LARP1: variants seen among roughly 807,000 people sequenced by gnomAD.
The protein encoded by LARP1 is La ribonucleoprotein 1, translational regulator, also known as la-related protein 1.
LARP1 carries 36 observed loss-of-function variants against 122.7 expected under a neutral mutation model. That is an observed-to-expected ratio of 0.29 (90% CI 0.22 to 0.39). The LOEUF is 0.39. Among genes scored for constraint, LARP1 ranks in the 10% least tolerant of loss-of-function variants. LARP1 has a pLI of 1.00. For synonymous variants in LARP1, 539 were observed against 528.7 expected (o/e 1.02, Z -0.27); for missense variants, 1,040 against 1,403.6 (o/e 0.74, Z 4.14).
At chr5:154,789,703 T>G (rs1757190032) in intron 1 of LARP1, among the ~76,000 whole-genome samples, 1 of 152,240 alleles carries the variant, frequency 6.6e-6, no homozygotes, top group Non-Finnish European at 1.5e-5. Context: ...ACATAACTCT[T>G]GTCTAATTTG....
chr5:154,759,553 A>T (rs1055109016), intron 1 of LARP1, among the ~76,000 whole-genome samples: 1 of 152,028 alleles, frequency 6.6e-6, no homozygotes, highest in Non-Finnish European at 1.5e-5. Flanking sequence ...TTTTGTAAAG[A>T]TTTTCTTTGG....
rs567434612 is a variant in LARP1 at position 154,803,770 on chromosome 5, C to T, written c.2439+25C>T. Reference sequence around the variant, plus strand: ...GGTGAGGCATTCCTGTCGGGCTGCTCAGAGTCTTGGGTCTACTTCATTGCA... The same window carrying T: ...GGTGAGGCATTCCTGTCGGGCTGCTTAGAGTCTTGGGTCTACTTCATTGCA... On this transcript the variant is annotated intron_variant, in intron 13 of 18. Coordinates refer to ENST00000518297, the MANE Select transcript of LARP1 (RefSeq NM_033551.3). The surrounding 1 kb of genome is among the most constrained non-coding windows in gnomAD (Gnocchi z 4.4). The T allele has an allele frequency of 6.2e-6, 10 of 1,607,594 alleles. No individual in the cohort carries two copies. Among genetic ancestry groups the T allele is most frequent in the Non-Finnish European group, 7.7e-6 (9 of 1,174,146 alleles).
chr5:154,687,673 G>A (rs4958383), intron 1 of LARP1, among the ~76,000 whole-genome samples: 69,662 of 152,054 alleles, frequency 0.46, 16,880 homozygotes, highest in Non-Finnish European at 0.55. Flanking sequence ...GAGCCACTGC[G>A]CCCGGCCTGT....
intron 1 of LARP1, among the ~76,000 whole-genome samples, chr5:154,725,382 C>CT: frequency 8.2e-6 from 1 of 121,738 alleles, no homozygotes; most frequent in African/African-American, 3.1e-5. Context: ...GAGTGGGACT[C>CT]TGTCTCAAAA....
At chr5:154,760,278 A>G (rs1421645006) in intron 1 of LARP1, among the ~76,000 whole-genome samples, 4 of 152,138 alleles carry the variant, frequency 2.6e-5, no homozygotes, top group Non-Finnish European at 4.4e-5. Context: ...ATGACCAGCA[A>G]TGTGGACACC....
intron 1 of LARP1, among the ~76,000 whole-genome samples, chr5:154,742,952 G>A (rs1416829847): frequency 6.6e-6 from 1 of 152,146 alleles, no homozygotes; most frequent in Non-Finnish European, 1.5e-5. Context: ...GGGAAGCAGT[G>A]TGACAAACCT....
chr5:154,812,933 TGTG>T lies in LARP1; in HGVS notation c.3082-952_3082-950del, dbSNP rs1279550466. On this transcript the variant is annotated intron_variant, in intron 18 of 18. Coordinates refer to ENST00000518297, the MANE Select transcript of LARP1 (RefSeq NM_033551.3). ...TCTCCACCTGGTCCCTCCCGCGACA[TGTG>T]GGGATTATGGGAACTACAATTCAAG... Among the ~76,000 whole-genome samples, 3 of 152,084 alleles carry T rather than the reference TGTG, an allele frequency of 2.0e-5. No homozygotes were observed. The East Asian group carries it at 5.8e-4, about 29-fold the overall frequency.
rs565007356 is a variant in LARP1, at chr5:154,738,578, C to G, written c.205+25448C>G. Among the ~76,000 whole-genome samples the G allele has an allele frequency of 8.3e-4, 126 of 151,486 alleles. 2 individuals are homozygous for G. Among genetic ancestry groups the G allele is most frequent in the Middle Eastern group, 6.8e-3 (2 of 294 alleles). ...CCGCACTCCAGACTGGGGGACAGAGCGAGACTCCGTCTCAAAAAAAAAAAG... is the reference window on the plus strand; with the variant it reads ...CCGCACTCCAGACTGGGGGACAGAGGGAGACTCCGTCTCAAAAAAAAAAAG... On this transcript the variant is annotated intron_variant, in intron 1 of 18. Transcript: ENST00000336314.
Position 154,811,570 on chromosome 5 carries a change from A to G in LARP1, c.3011A>G (p.Asn1004Ser). The change falls in exon 18 of 19, where the codon AAT becomes AGT. Residue 1004 changes from asparagine to serine, a missense_variant. Asn to Ser is a conservative substitution (Grantham distance 46). Coordinates refer to ENST00000518297, the MANE Select transcript of LARP1 (RefSeq NM_033551.3). ...WAFLKYSKAK[N>S]LDIDPKLQEY... Reference sequence around the variant, plus strand: ...TTCTTGAAATATTCCAAAGCCAAAAATTTGGACATTGACCCCAAACTGCAA... The same window carrying G: ...TTCTTGAAATATTCCAAAGCCAAAAGTTTGGACATTGACCCCAAACTGCAA... 6.2e-7 allele frequency: 1 copy of G among 1,614,148 alleles called. No homozygotes were observed. Among genetic ancestry groups the G allele is most frequent in the Non-Finnish European group, 8.5e-7 (1 of 1,180,018 alleles).
At chr5:154,770,984 C>T (rs1188068096) in intron 1 of LARP1, among the ~76,000 whole-genome samples, 2 of 151,958 alleles carry the variant, frequency 1.3e-5, no homozygotes, top group African/African-American at 4.8e-5. Context: ...TGGCAGCAGG[C>T]GCCCGTAATC....
chr5:154,794,033 C>T (rs772322963), intron 6 of LARP1, 33 bp downstream of exon 6: 1 of 1,610,082 alleles, frequency 6.2e-7, no homozygotes, highest in Non-Finnish European at 8.5e-7. Context: ...CCGGGATGTC[C>T]AAGGGTGTGC....
In LARP1 at chr5:154,816,686, T is replaced by C. The variant is rs541413218; in HGVS notation, c.*2590T>C. On this transcript the variant is annotated 3_prime_UTR_variant, in exon 19 of 19. Coordinates refer to ENST00000518297, the MANE Select transcript of LARP1 (RefSeq NM_033551.3). Reference sequence around the variant, plus strand: ...CAGAAGTGGCAGGGGCCATCAGGGCTAACCACTTCACACCTACCATCGTCC... The same window carrying C: ...CAGAAGTGGCAGGGGCCATCAGGGCCAACCACTTCACACCTACCATCGTCC... 1 of 152,766 alleles carries C rather than the reference T, an allele frequency of 6.5e-6. No homozygotes were observed. The highest frequency in any genetic ancestry group is 1.5e-5 in the Non-Finnish European group (1 of 68,096). 9.5% of individuals were successfully genotyped at this position (152,766 alleles called of 1,614,324 possible). A position where few individuals can be genotyped will look rare whatever the true frequency, so the allele number is the denominator to read the frequency against.
At chr5:154,704,566 G>A (rs1754860289) in intron 1 of LARP1, among the ~76,000 whole-genome samples, 1 of 148,528 alleles carries the variant, frequency 6.7e-6, no homozygotes, top group Non-Finnish European at 1.5e-5. Context: ...AGAATTTCTT[G>A]AACCTGGGAG....
intron 1 of LARP1, among the ~76,000 whole-genome samples, chr5:154,743,045 T>C (rs1752989160): frequency 6.6e-6 from 1 of 152,204 alleles, no homozygotes; most frequent in South Asian, 2.1e-4. Flanking sequence ...TGACTATGAA[T>C]GTTAAAGTCT....
intron 1 of LARP1, among the ~76,000 whole-genome samples, chr5:154,786,893 T>G (rs1393148453): frequency 2.0e-5 from 3 of 152,050 alleles, no homozygotes; most frequent in African/African-American, 7.2e-5. Flanking sequence ...TTTTTTTTTT[T>G]TTGGGATGGA....
chr5:154,715,810 G>A (rs1227351883), intron 1 of LARP1, among the ~76,000 whole-genome samples: 9 of 152,164 alleles, frequency 5.9e-5, no homozygotes, highest in Non-Finnish European at 4.4e-5. Context: ...AACTTTAGTG[G>A]AGTAGCTATA....
In LARP1 at chr5:154,806,151, A is replaced by T. The variant is rs894284893; in HGVS notation, c.2698+119A>T. On this transcript the variant is annotated intron_variant, in intron 15 of 18. Transcript: ENST00000518297. ...TCTCTGACTTCAGAGCAAAAAAAAGACATGACATTATAGCAAGAAAGACTG... is the reference window on the plus strand; with the variant it reads ...TCTCTGACTTCAGAGCAAAAAAAAGTCATGACATTATAGCAAGAAAGACTG... 6.4e-6 allele frequency: 7 copies of T among 1,088,744 alleles called. No individual in the cohort carries two copies. In the African/African-American group the frequency reaches 9.5e-5, roughly 15 times the overall value. 67.4% of individuals were successfully genotyped at this position (1,088,744 alleles called of 1,614,324 possible).
At chr5:154,805,184 A>T (rs1283880226) in intron 14 of LARP1, 1 of 327,682 alleles carries the variant, frequency 3.1e-6, no homozygotes, top group Admixed American at 4.2e-5. Flanking sequence ...CAGTTTACCT[A>T]CTTAACAAAC....
At chr5:154,781,730 T>C (rs562049807) in intron 1 of LARP1, among the ~76,000 whole-genome samples, 144 of 152,262 alleles carry the variant, frequency 9.5e-4, no homozygotes, top group Non-Finnish European at 1.9e-3. Flanking sequence ...TTGTACTTTC[T>C]TAAAACATTG....
Sources: allele counts gnomAD v4.1 joint callset (sites outside exome capture counted in the v4.1 genomes callset), GRCh38; gene constraint gnomAD v4.1.1; non-coding constraint Gnocchi (gnomAD v3.1); transcripts MANE v1.5; gene names NCBI Gene and HGNC (gene_info 2026-07-23, HGNC 2026-07-21).